The following RNF40 variants were observed in gnomAD, a reference collection of about 807,000 sequenced individuals.
RNF40 encodes the protein ring finger protein 40.
Under a neutral mutation model 123.3 loss-of-function variants are expected in RNF40, and 39 were observed. The ratio of observed to expected loss-of-function variants is 0.32; its 90% CI spans 0.24 to 0.41. The LOEUF (loss-of-function observed/expected upper bound fraction) is 0.41, where lower values mean the gene tolerates loss of function less well. Among genes scored for constraint, RNF40 ranks in the 10% least tolerant of loss-of-function variants. The pLI is 1.00. For missense variants in RNF40, 1,003 were observed against 1,319.9 expected (o/e 0.76, Z 3.72); for synonymous variants, 538 against 526.0 (o/e 1.02, Z -0.31).
rs2054110349 is a variant in RNF40, at chr16:30,769,600, G to A, written c.2586G>A (p.Lys862=). The A allele has an allele frequency of 6.4e-7, 1 of 1,565,824 alleles. No individual in the cohort carries two copies. The highest frequency in any genetic ancestry group is 1.9e-4 in the Middle Eastern group (1 of 5,152). The change falls in exon 17 of 20, where the codon AAG becomes AAA. Residue 862 remains lysine, a splice_region_variant and synonymous_variant. Coordinates refer to ENST00000324685, the MANE Select transcript of RNF40 (RefSeq NM_014771.4). ...AAGCCCTGGAGCTCAACAAGCGGAA[G>A]GTGAGGCTGGGCCAGGGGGACACAC... is the stretch of plus-strand genomic sequence containing the variant. ...RSQALELNKR[K]AVEAAQLAED... is the part of the protein sequence containing the mutation.
rs1047310031 is a variant in RNF40, at chr16:30,763,169, C to T, written c.184C>T (p.Arg62Trp). The T allele has an allele frequency of 1.1e-5, 17 of 1,613,854 alleles. No individual in the cohort carries two copies. Among genetic ancestry groups the T allele is most frequent in the Admixed American group, 1.7e-5 (1 of 60,000 alleles). Residue 62 changes from arginine (R) to tryptophan (W), a missense_variant, in exon 3 of 20, where the codon CGG (arginine) becomes TGG (tryptophan). This residue lies in a region of RNF40 where 21 missense variants were observed against 43.7 expected (regional missense o/e 0.48). Transcript: ENST00000324685. ...GTTCAAGAACAAGAAACTGGCAGAG[C>T]GGCTGGAACAACGGCAGGCTTGTGA... ...LQFKNKKLAE[R>W]LEQRQACEDE...
Position 30,764,400 on chromosome 16 carries a change from C to T in RNF40, c.649+15C>T, listed in dbSNP as rs778702792. ...GTACAGCCGAGGTGGGTTCTTTGTG[C>T]CCATACTGAAGGGGTGTCCATCCCC... On this transcript the variant is annotated intron_variant, in intron 5 of 19. Coordinates refer to ENST00000324685, the MANE Select transcript of RNF40 (RefSeq NM_014771.4). 2.5e-6 allele frequency: 4 copies of T among 1,605,724 alleles called. No homozygotes were observed. In the East Asian group the frequency reaches 9.0e-5, roughly 36 times the overall value.
intron 8 of RNF40, 73 bp downstream of exon 8, chr16:30,765,572 A>G: frequency 1.4e-6 from 2 of 1,388,136 alleles, no homozygotes; most frequent in Non-Finnish European, 2.0e-6. Flanking sequence ...CCCTCAGGAC[A>G]AAGGACAAAC....
At position 30,764,204 on chromosome 16, in the gene RNF40, C is replaced by T. The variant is rs752237175; in HGVS notation, c.468C>T (p.Pro156=). The change falls in exon 5 of 20, where the codon CCC becomes CCT. Residue 156 remains proline, a synonymous_variant. Coordinates refer to ENST00000324685, the MANE Select transcript of RNF40 (RefSeq NM_014771.4). ...ACCCCTTGCTGATGCAGCTGCGGCCCCCTCTCAGTGAGCCGGCCTTGGCTT... is the reference window on the plus strand; with the variant it reads ...ACCCCTTGCTGATGCAGCTGCGGCCTCCTCTCAGTGAGCCGGCCTTGGCTT... ...LRDPLLMQLR[P]PLSEPALAFV... 6.2e-7 allele frequency: 1 copy of T among 1,610,956 alleles called. No homozygotes were observed. Among genetic ancestry groups the T allele is most frequent in the Non-Finnish European group, 8.5e-7 (1 of 1,178,530 alleles).
In RNF40 at chr16:30,763,181, C is replaced by A. The variant is rs1163859997; in HGVS notation, c.196C>A (p.Arg66=). ...GAAACTGGCAGAGCGGCTGGAACAA[C>A]GGCAGGCTTGTGAAGATGAACTCCG... ...NKKLAERLEQ[R]QACEDELRER... is the part of the protein sequence containing the mutation. Residue 66 remains arginine, a synonymous_variant, in exon 3 of 20, where the codon CGG becomes AGG. Transcript: ENST00000324685. The A allele has an allele frequency of 4.3e-6, 7 of 1,613,504 alleles. No individual in the cohort carries two copies. The highest frequency in any genetic ancestry group is 1.1e-5 in the South Asian group (1 of 91,086).
At position 30,769,580 on chromosome 16, in the gene RNF40, C is replaced by T. The variant is rs368542250; in HGVS notation, c.2566C>T (p.Leu856=). 11 of 1,596,566 alleles carry T rather than the reference C, an allele frequency of 6.9e-6. No homozygotes were observed. The highest frequency in any genetic ancestry group is 9.4e-6 in the Non-Finnish European group (11 of 1,171,516). The part of the protein sequence containing the change: ...EKELTLRSQA[L]ELNKRKAVEA... The stretch of plus-strand genomic sequence containing the variant: ...GGAGCTGACGCTGCGCAGCCAAGCC[C>T]TGGAGCTCAACAAGCGGAAGGTGAG... The change falls in exon 17 of 20, where the codon CTG becomes TTG. Residue 856 remains leucine, a synonymous_variant. Coordinates refer to ENST00000324685, the MANE Select transcript of RNF40 (RefSeq NM_014771.4).
rs1235650384 is a variant in RNF40, at chr16:30,768,337, G to A, written c.1786G>A (p.Ala596Thr). 1.2e-6 allele frequency: 2 copies of A among 1,613,038 alleles called. No individual in the cohort carries two copies. The highest frequency in any genetic ancestry group is 4.5e-5 in the East Asian group (2 of 44,858). ...EEDFQGITPG[A>T]QGPSSRGREP... is the part of the protein sequence containing the mutation. ...GGACTTCCAGGGTATAACCCCTGGG[G>A]CCCAGGGCCCTTCCTCCCGGGGCCG... is the stretch of plus-strand genomic sequence containing the variant. Residue 596 changes from alanine to threonine, a missense_variant, in exon 13 of 20, where the codon GCC becomes ACC. By Grantham distance (58) the Ala-to-Thr change is moderately conservative. This residue lies in a region of RNF40 where 295 missense variants were observed against 331.7 expected (regional missense o/e 0.89). Coordinates refer to ENST00000324685, the MANE Select transcript of RNF40 (RefSeq NM_014771.4). This position sits in a 1 kb window ranked among gnomAD's most constrained non-coding sequence, Gnocchi z 4.1.
At chr16:30,765,362 C>G (rs1420251437) in intron 7 of RNF40, 35 bp downstream of exon 7, 1 of 1,613,952 alleles carries the variant, frequency 6.2e-7, no homozygotes, top group Non-Finnish European at 8.5e-7. Flanking sequence ...TGAGGCAAGG[C>G]TGGGCCCTTG....
Position 30,766,088 on chromosome 16 carries a change from G to C in RNF40, c.994-75G>C. The C allele has an allele frequency of 6.2e-7, 1 of 1,603,230 alleles. No homozygotes were observed. Among genetic ancestry groups the C allele is most frequent in the South Asian group, 1.1e-5 (1 of 89,914 alleles). On this transcript the variant is annotated intron_variant, in intron 8 of 19. Coordinates refer to ENST00000324685, the MANE Select transcript of RNF40 (RefSeq NM_014771.4). This position sits in a 1 kb window ranked among gnomAD's most constrained non-coding sequence, Gnocchi z 5.4. ...CTGCACGGGGTGCTTGGGGTGGAGT[G>C]TATGCTGGGGATGTAAGGGAGGCCT...
upstream of RNF40, chr16:30,761,656 A>G: frequency 6.5e-7 from 1 of 1,535,848 alleles, no homozygotes; most frequent in Non-Finnish European, 8.7e-7. Flanking sequence ...CTGAGCTGCG[A>G]TCCTTCCCCG....
Position 30,771,856 on chromosome 16 carries a change from C to G in RNF40, c.2610C>G (p.Ala870=). ...AGGCTGTAGAAGCCGCCCAGCTGGCCGAGGACCTGAAGGTGCAGCTGGAGC... is the reference window on the plus strand; with the variant it reads ...AGGCTGTAGAAGCCGCCCAGCTGGCGGAGGACCTGAAGGTGCAGCTGGAGC... ...KRKAVEAAQL[A]EDLKVQLEHV... The change falls in exon 18 of 20, where the codon GCC becomes GCG. Residue 870 remains alanine (A), a synonymous_variant. Coordinates refer to ENST00000324685, the MANE Select transcript of RNF40 (RefSeq NM_014771.4). The G allele has an allele frequency of 6.3e-7, 1 of 1,596,316 alleles. No individual in the cohort carries two copies. The highest frequency in any genetic ancestry group is 8.5e-7 in the Non-Finnish European group (1 of 1,170,004).
chr16:30,767,500 A>T (rs546873364), intron 11 of RNF40, among the ~76,000 whole-genome samples: 10 of 143,630 alleles, frequency 7.0e-5, no homozygotes, highest in Non-Finnish European at 9.2e-5. Context: ...TTGGATGTAT[A>T]AAAAAAAAAA....
At position 30,768,110 on chromosome 16, in the gene RNF40, C is replaced by T. The variant is rs375339639; in HGVS notation, c.1559C>T (p.Ala520Val). The T allele has an allele frequency of 1.2e-5, 20 of 1,609,676 alleles. No individual in the cohort carries two copies. Among genetic ancestry groups the T allele is most frequent in the Non-Finnish European group, 1.7e-5 (20 of 1,177,282 alleles). ...TCCTCTCTGCCTTTGCAGCTCCGGG[C>T]CCAGGCCAGTGGCTCTGCCCACTCC... ...EVQAEIGKLRAQASGSAHSTP... is the reference protein window; with the variant it reads ...EVQAEIGKLRVQASGSAHSTP... The change falls in exon 13 of 20, where the codon GCC (alanine) becomes GTC (valine). Residue 520 changes from alanine to valine, a missense_variant. Ala to Val is a moderately conservative substitution (Grantham distance 64, BLOSUM62 0). Around this residue, in one of 11 missense-constraint regions of RNF40, gnomAD observed 295 missense variants for 331.7 expected, o/e 0.89. Transcript: ENST00000324685. The surrounding 1 kb of genome is among the most constrained non-coding windows in gnomAD (Gnocchi z 4.1).
In RNF40 at chr16:30,775,362, G is replaced by C; in HGVS notation, c.*1248G>C. The C allele has an allele frequency of 3.8e-6, 1 of 260,930 alleles. No individual in the cohort carries two copies. The highest frequency in any genetic ancestry group is 7.6e-6 in the Non-Finnish European group (1 of 131,952). 16.2% of individuals were successfully genotyped at this position (260,930 alleles called of 1,614,324 possible). A position where few individuals can be genotyped will look rare whatever the true frequency, so the allele number is the denominator to read the frequency against. ...CGTGGTGGTCGTCGCGGAGCCGCCTGTCCTGCTCCCACCGACCCCGGTCTG... is the reference window on the plus strand; with the variant it reads ...CGTGGTGGTCGTCGCGGAGCCGCCTCTCCTGCTCCCACCGACCCCGGTCTG... On this transcript the variant is annotated 3_prime_UTR_variant, in exon 20 of 20. Coordinates refer to ENST00000324685, the MANE Select transcript of RNF40 (RefSeq NM_014771.4).
At chr16:30,770,533 TCTAAC>T (rs1160902609) in intron 17 of RNF40, among the ~76,000 whole-genome samples, 2 of 152,340 alleles carry the variant, frequency 1.3e-5, no homozygotes, top group Non-Finnish European at 2.9e-5. Flanking sequence ...GGCTCTACCT[TCTAAC>T]CACTCGCTGG....
chr16:30,765,624 T>G, intron 8 of RNF40, 125 bp downstream of exon 8: 1 of 813,058 alleles, frequency 1.2e-6, no homozygotes, highest in Non-Finnish European at 2.0e-6. Flanking sequence ...TGCTGCTCTT[T>G]TTTTCATGCA....
In RNF40 at chr16:30,774,430, G is replaced by A. The variant is rs1266762245; in HGVS notation, c.*316G>A. 2.5e-5 allele frequency: 8 copies of A among 317,154 alleles called. No homozygotes were observed. The highest frequency in any genetic ancestry group is 6.0e-5 in the South Asian group (1 of 16,806). The allele number at this position is 317,154 out of a possible 1,614,324, so 19.6% of individuals were successfully genotyped here. On this transcript the variant is annotated 3_prime_UTR_variant, in exon 20 of 20. Coordinates refer to ENST00000324685, the MANE Select transcript of RNF40 (RefSeq NM_014771.4). ...AACTGGCCCTAACCTGTCTGTCTCC[G>A]TGGATGCATCCTAACCCTAAGGAAA...
chr16:30,765,294 G>A lies in RNF40; in HGVS notation c.885G>A (p.Lys295=). 1 of 1,614,250 alleles carries A rather than the reference G, an allele frequency of 6.2e-7. No individual in the cohort carries two copies. The highest frequency in any genetic ancestry group is 1.1e-5 in the South Asian group (1 of 91,086). Residue 295 remains lysine (K), a synonymous_variant, in exon 7 of 20, where the codon AAG becomes AAA. Coordinates refer to ENST00000324685, the MANE Select transcript of RNF40 (RefSeq NM_014771.4). ...DIEKLRKREQ[K]LNKHLAEALE... ...AGAAGCTGCGGAAGCGAGAGCAAAA[G>A]CTCAATAAGCACCTGGCAGAGGCCT...
At chr16:30,770,830 G>A (rs1024249559) in intron 17 of RNF40, among the ~76,000 whole-genome samples, 5 of 152,132 alleles carry the variant, frequency 3.3e-5, no homozygotes, top group Non-Finnish European at 4.4e-5. Context: ...TTCTGCCTTA[G>A]TGTCCCGAGT....
Sources: allele counts gnomAD v4.1 joint callset (sites outside exome capture counted in the v4.1 genomes callset), GRCh38; gene constraint gnomAD v4.1.1; regional missense constraint gnomAD v4.1.1; non-coding constraint Gnocchi (gnomAD v3.1); transcripts MANE v1.5; gene names NCBI Gene and HGNC (gene_info 2026-07-23, HGNC 2026-07-21).